Variants in ESRRG observed in about 807,000 individuals in gnomAD.
ESRRG encodes the protein estrogen related receptor gamma.
A neutral mutation model predicts 44.0 loss-of-function variants in ESRRG; 13 were observed. That is an observed-to-expected ratio of 0.30 (90% CI 0.19 to 0.47). The LOEUF is 0.47. Ranked by LOEUF, ESRRG falls within the 20% of genes least tolerant of loss-of-function variation. The pLI is 1.00. For synonymous variants in ESRRG, 215 were observed against 214.6 expected, an observed-to-expected ratio of 1.00 and a Z score of -0.02; for missense variants, 395 against 580.6, an observed-to-expected ratio of 0.68 and a Z score of 3.29.
At chr1:216,542,218 AT>A (rs202046842) in intron 5 of ESRRG, among the ~76,000 whole-genome samples, 125 of 149,726 alleles carry the variant, frequency 8.3e-4, no homozygotes, top group Admixed American at 6.2e-3. Flanking sequence ...GTTGAATTCC[AT>A]TTTTTTTTCC....
chr1:216,906,030 C>A (rs1374632272), intron 2 of ESRRG, among the ~76,000 whole-genome samples: 1 of 152,232 alleles, frequency 6.6e-6, no homozygotes, highest in Non-Finnish European at 1.5e-5. Flanking sequence ...GGATTACAGG[C>A]ATGAGCCACT....
intron 2 of ESRRG, among the ~76,000 whole-genome samples, chr1:216,906,577 C>T (rs1449205047): frequency 6.6e-6 from 1 of 152,162 alleles, no homozygotes; most frequent in Non-Finnish European, 1.5e-5. Flanking sequence ...TCATAGACTC[C>T]AAGACACATT....
chr1:216,511,772 C>T (rs1235508283), intron 6 of ESRRG, among the ~76,000 whole-genome samples: 1 of 152,158 alleles, frequency 6.6e-6, no homozygotes, highest in African/African-American at 2.4e-5. Context: ...TTATCTAGAA[C>T]TACGAGGTAT....
At chr1:216,735,906 A>G (rs532039630) in intron 2 of ESRRG, among the ~76,000 whole-genome samples, 1 of 150,350 alleles carries the variant, frequency 6.7e-6, no homozygotes, top group Non-Finnish European at 1.5e-5. Flanking sequence ...TGAACCTAGG[A>G]AGCAGAGGTT....
At chr1:217,101,739 G>C (rs776633447) in intron 1 of ESRRG, among the ~76,000 whole-genome samples, 57 of 152,016 alleles carry the variant, frequency 3.7e-4, no homozygotes, top group Non-Finnish European at 6.0e-4. Flanking sequence ...ACCTCAACAA[G>C]TTTTCTTTCC....
chr1:217,046,709 C>T (rs1029716018), intron 1 of ESRRG, among the ~76,000 whole-genome samples: 1 of 151,966 alleles, frequency 6.6e-6, no homozygotes, highest in Non-Finnish European at 1.5e-5. Context: ...CATAGTGAGA[C>T]CCCATCTCTA....
chr1:216,613,012 G>T (rs11117632), intron 3 of ESRRG, among the ~76,000 whole-genome samples: 1 of 151,904 alleles, frequency 6.6e-6, no homozygotes, highest in Admixed American at 6.6e-5. Flanking sequence ...TCAGCTTTTC[G>T]AATTGAACTG....
In ESRRG at chr1:216,778,667, C is replaced by G. The variant is rs534840701; in HGVS notation, c.-13-101176G>C. 2.0e-5 allele frequency among the ~76,000 whole-genome samples: 3 copies of G among 151,986 alleles called. No homozygotes were observed. The East Asian group carries it at 5.9e-4, about 30-fold the overall frequency. Reference sequence around the variant, plus strand: ...ACAGACTATAGACACGCAGGAGGAGCCATACTTTTGGCTGAAATGTATTGT... The same window carrying G: ...ACAGACTATAGACACGCAGGAGGAGGCATACTTTTGGCTGAAATGTATTGT... On this transcript the variant is annotated intron_variant, in intron 2 of 7. Coordinates refer to the ESRRG transcript ENST00000359162.
chr1:216,579,353 A>G lies in ESRRG; in HGVS notation c.590-11255T>C, dbSNP rs1009532688. Among the ~76,000 whole-genome samples the G allele has an allele frequency of 2.6e-5, 4 of 152,162 alleles. No individual in the cohort carries two copies. In the East Asian group the frequency reaches 7.7e-4, roughly 29 times the overall value. On this transcript the variant is annotated intron_variant, in intron 3 of 6. Coordinates refer to ENST00000408911, the MANE Select transcript of ESRRG (RefSeq NM_001438.4). ...TGTTAAAGGTTTGGAGGAGAGTTAT[A>G]CGTATGTGTATTCATAGTTACATGT...
chr1:216,735,666 G>T (rs1352074996), intron 2 of ESRRG, among the ~76,000 whole-genome samples: 1 of 151,958 alleles, frequency 6.6e-6, no homozygotes, highest in Non-Finnish European at 1.5e-5. Context: ...GACCCTGACT[G>T]GTCTCAATTA....
chr1:216,830,269 G>C (rs1396788068), intron 2 of ESRRG, among the ~76,000 whole-genome samples: 1 of 152,144 alleles, frequency 6.6e-6, no homozygotes, highest in Admixed American at 6.5e-5. Context: ...CTGAGGCCAC[G>C]GAGGAACAAT....
chr1:217,103,087 G>A (rs535035558), intron 1 of ESRRG, among the ~76,000 whole-genome samples: 1 of 152,324 alleles, frequency 6.6e-6, no homozygotes, highest in South Asian at 2.1e-4. Context: ...TAGGTACCCA[G>A]TCTGGAAGGC....
At chr1:216,997,717 G>A (rs1367700352) in intron 1 of ESRRG, among the ~76,000 whole-genome samples, 4 of 152,158 alleles carry the variant, frequency 2.6e-5, no homozygotes, top group Non-Finnish European at 5.9e-5. Context: ...ATACGGAAAA[G>A]CGTTTAAAAT....
chr1:216,886,261 G>A (rs553609819), intron 2 of ESRRG, among the ~76,000 whole-genome samples: 38 of 152,252 alleles, frequency 2.5e-4, no homozygotes, highest in Admixed American at 8.5e-4. Flanking sequence ...GTCACCTGGA[G>A]CTGCAACAGG....
chr1:216,882,036 G>GT (rs1039247790), intron 2 of ESRRG, among the ~76,000 whole-genome samples: 1 of 151,432 alleles, frequency 6.6e-6, no homozygotes, highest in Non-Finnish European at 1.5e-5. Flanking sequence ...TTTGTATGGT[G>GT]TTTTATTGAT....
chr1:217,002,260 C>T lies in ESRRG; in HGVS notation c.-105-62587G>A, dbSNP rs572053283. 2.7e-5 allele frequency among the ~76,000 whole-genome samples: 4 copies of T among 146,426 alleles called. No individual in the cohort carries two copies. In the South Asian group the frequency reaches 8.6e-4, roughly 32 times the overall value. On this transcript the variant is annotated intron_variant, in intron 1 of 7. Transcript: ENST00000359162. ...GAGCTGGCAGTGAGCCGAGATAGTG[C>T]CACTGCACTCCAGCCTGGGCATCAG...
chr1:216,522,408 G>A (rs1447962069), intron 5 of ESRRG, among the ~76,000 whole-genome samples: 2 of 151,180 alleles, frequency 1.3e-5, no homozygotes, highest in African/African-American at 4.9e-5. Flanking sequence ...AAGGAAAAAG[G>A]ACAATCTATG....
At chr1:216,771,225 C>T (rs2093365575) in intron 2 of ESRRG, among the ~76,000 whole-genome samples, 1 of 152,040 alleles carries the variant, frequency 6.6e-6, no homozygotes, top group Non-Finnish European at 1.5e-5. Context: ...AAATAAATAA[C>T]AGAAGAAAAT....
intron 2 of ESRRG, among the ~76,000 whole-genome samples, chr1:216,851,602 G>A (rs768283294): frequency 7.9e-5 from 12 of 152,090 alleles, no homozygotes; most frequent in East Asian, 7.7e-4. Flanking sequence ...GAAGGCCCTC[G>A]CCAGAACCTG....
Sources: gnomAD v4.1 joint callset for allele counts (sites outside exome capture counted in the v4.1 genomes callset) on GRCh38, gnomAD v4.1.1 for gene constraint, MANE v1.5 for transcripts, NCBI Gene and HGNC (gene_info 2026-07-23, HGNC 2026-07-21) for gene names.